TK2: variants seen among roughly 807,000 people sequenced by gnomAD.
TK2 encodes thymidine kinase 2.
Under a neutral mutation model 41.9 loss-of-function variants are expected in TK2, and 35 were observed. The observed-to-expected ratio is 0.84, with a 90% CI of 0.64 to 1.11. TK2 has a LOEUF of 1.11. Ranked by LOEUF, TK2 falls within the 50% of genes least tolerant of loss-of-function variation. TK2 has a pLI of 0.00. For synonymous variants in TK2, 128 were observed against 129.1 expected (o/e 0.99, Z 0.06); for missense variants, 320 against 351.1 (o/e 0.91, Z 0.71).
intron 3 of TK2, among the ~76,000 whole-genome samples, chr16:66,540,641 G>A (rs1414949008): frequency 3.3e-5 from 5 of 152,234 alleles, no homozygotes; most frequent in Non-Finnish European, 7.3e-5. Context: ...ATGTCTTAGT[G>A]TAGAGATGAT....
At chr16:66,548,882 C>G (rs1376349349) in intron 2 of TK2, 96 bp downstream of exon 2, 43 of 1,238,138 alleles carry the variant, frequency 3.5e-5, no homozygotes, top group Non-Finnish European at 5.1e-5. Context: ...TTGCTTTTTA[C>G]TATGGAATGT....
intron 5 of TK2, among the ~76,000 whole-genome samples, chr16:66,530,358 A>G (rs1033567156): frequency 6.6e-6 from 1 of 152,196 alleles, no homozygotes; most frequent in African/African-American, 2.4e-5. Flanking sequence ...TTTGAAACAT[A>G]GGTGCTGATC....
In TK2 at chr16:66,511,507, G is replaced by A. The variant is rs189850165; in HGVS notation, c.*461C>T. On this transcript the variant is annotated 3_prime_UTR_variant, in exon 10 of 10. Coordinates refer to ENST00000544898, the MANE Select transcript of TK2 (RefSeq NM_004614.5). ...TGAGTCGGCTGAAAGTCTGAATGGT[G>A]CCAGCTCCACTGCACACAGGCTGTG... 181 of 269,212 alleles carry A rather than the reference G, an allele frequency of 6.7e-4. No individual in the cohort carries two copies. Among genetic ancestry groups the A allele is most frequent in the African/African-American group, 3.9e-3 (176 of 44,900 alleles). 16.7% of individuals were successfully genotyped at this position (269,212 alleles called of 1,614,324 possible).
At chr16:66,541,155 G>C (rs1965445197) in intron 3 of TK2, among the ~76,000 whole-genome samples, 1 of 152,188 alleles carries the variant, frequency 6.6e-6, no homozygotes. Flanking sequence ...AAACATAAAT[G>C]AATTTCGTGT....
intron 6 of TK2, among the ~76,000 whole-genome samples, chr16:66,524,176 A>G (rs1387318170): frequency 6.6e-6 from 1 of 152,166 alleles, no homozygotes; most frequent in Non-Finnish European, 1.5e-5. Flanking sequence ...ACTTTTCACC[A>G]TGGTCCCAAA....
Position 66,538,239 on chromosome 16 carries a change from T to C in TK2, c.232-1222A>G, listed in dbSNP as rs1185631929. Among the ~76,000 whole-genome samples, 2 of 152,158 alleles carry C rather than the reference T, an allele frequency of 1.3e-5. 1 individual carries two copies. The highest frequency in any genetic ancestry group is 2.9e-5 in the Non-Finnish European group (2 of 68,032). ...TGATCCACCCTCAAGCAAGATACTCTGTGTCTTTGCTTACGTTGTTTCTTC... is the reference window on the plus strand; with the variant it reads ...TGATCCACCCTCAAGCAAGATACTCCGTGTCTTTGCTTACGTTGTTTCTTC... On this transcript the variant is annotated intron_variant, in intron 3 of 9. Coordinates refer to ENST00000544898, the MANE Select transcript of TK2 (RefSeq NM_004614.5).
chr16:66,545,397 AG>A (rs1331738530), intron 2 of TK2, among the ~76,000 whole-genome samples: 1 of 152,242 alleles, frequency 6.6e-6, no homozygotes, highest in Non-Finnish European at 1.5e-5. Context: ...TGCAGTCAAA[AG>A]AAACTTGCCC....
At chr16:66,521,007 G>A (rs1312120618) in intron 6 of TK2, among the ~76,000 whole-genome samples, 1 of 152,182 alleles carries the variant, frequency 6.6e-6, no homozygotes, top group African/African-American at 2.4e-5. Context: ...GCAGCAACTG[G>A]GGAGAAGCTG....
At chr16:66,526,780 G>A (rs748441323) in intron 6 of TK2, among the ~76,000 whole-genome samples, 1 of 152,166 alleles carries the variant, frequency 6.6e-6, no homozygotes, top group Non-Finnish European at 1.5e-5. Context: ...AAGAGCCACT[G>A]ACCCCACACA....
At chr16:66,523,906 T>TC in intron 6 of TK2, among the ~76,000 whole-genome samples, 1 of 152,310 alleles carries the variant, frequency 6.6e-6, no homozygotes, top group South Asian at 2.1e-4. Context: ...GGATGACCGC[T>TC]CCATCGAGGG....
intron 6 of TK2, chr16:66,518,250 A>G (rs1306267935): frequency 3.1e-6 from 1 of 323,172 alleles, no homozygotes; most frequent in Non-Finnish European, 6.1e-6. Flanking sequence ...TTTGTGGACC[A>G]GGGTGGTGGC....
chr16:66,520,674 C>A (rs532876347), intron 6 of TK2, among the ~76,000 whole-genome samples: 1 of 152,134 alleles, frequency 6.6e-6, no homozygotes, highest in Non-Finnish European at 1.5e-5. Flanking sequence ...CATGAGGACA[C>A]GAACAGGATG....
chr16:66,538,204 T>A (rs1483989974), intron 3 of TK2, among the ~76,000 whole-genome samples: 1 of 152,084 alleles, frequency 6.6e-6, no homozygotes, highest in African/African-American at 2.4e-5. Flanking sequence ...CCTTCACTCC[T>A]GACCTCAAGT....
intron 6 of TK2, among the ~76,000 whole-genome samples, chr16:66,526,926 C>T (rs1213770446): frequency 1.3e-5 from 2 of 152,196 alleles, no homozygotes; most frequent in Non-Finnish European, 2.9e-5. Context: ...CGCTCTGTTG[C>T]CCAGGCTGGA....
At chr16:66,543,955 C>A (rs1480089452) in intron 2 of TK2, among the ~76,000 whole-genome samples, 3 of 152,178 alleles carry the variant, frequency 2.0e-5, no homozygotes, top group African/African-American at 7.2e-5. Flanking sequence ...CCCATTAGGG[C>A]ACTAATGGAT....
At position 66,517,157 on chromosome 16, in the gene TK2, T is replaced by C; in HGVS notation, c.597A>G (p.Glu199=). The change falls in exon 8 of 10, where the codon GAA becomes GAG. Residue 199 remains glutamate, a synonymous_variant. Transcript: ENST00000544898. This position sits in a 1 kb window ranked among gnomAD's most constrained non-coding sequence, Gnocchi z 4.3. ...TTACCAGCGGAATGACCTTCTCCTC[T>C]TCCCTGCATCTCTTCTTTAACCTCT... ...CYQRLKKRCR[E]EEKVIPLEYL... 1.2e-6 allele frequency: 2 copies of C among 1,614,188 alleles called. No individual in the cohort carries two copies. The highest frequency in any genetic ancestry group is 1.1e-5 in the South Asian group (1 of 91,084).
At chr16:66,538,840 G>C (rs1431918350) in intron 3 of TK2, among the ~76,000 whole-genome samples, 1 of 152,140 alleles carries the variant, frequency 6.6e-6, no homozygotes, top group African/African-American at 2.4e-5. Flanking sequence ...ATCAAACAAG[G>C]GTGTGGCCCC....
chr16:66,528,027 G>A (rs1245115689), intron 6 of TK2, among the ~76,000 whole-genome samples: 1 of 152,120 alleles, frequency 6.6e-6, no homozygotes, highest in Non-Finnish European at 1.5e-5. Flanking sequence ...GCCAGACCCT[G>A]CCTCAAAAAA....
chr16:66,515,846 C>CTGG (rs568692078), intron 8 of TK2, among the ~76,000 whole-genome samples: 152 of 152,318 alleles, frequency 1.0e-3, no homozygotes, highest in Admixed American at 8.6e-3. Context: ...ATGCATCGTG[C>CTGG]TGGCACCAAG....
Sources: allele counts gnomAD v4.1 joint callset (sites outside exome capture counted in the v4.1 genomes callset), GRCh38; gene constraint gnomAD v4.1.1; non-coding constraint Gnocchi (gnomAD v3.1); transcripts MANE v1.5; gene names NCBI Gene and HGNC (gene_info 2026-07-23, HGNC 2026-07-21).